Variants in SPATA6L observed in about 807,000 individuals in gnomAD.
SPATA6L encodes the protein spermatogenesis associated 6-like protein.
In SPATA6L, 68 loss-of-function variants were observed where a neutral mutation model predicts 49.2. That is an observed-to-expected ratio of 1.38 (90% CI 1.14 to 1.69). SPATA6L has a LOEUF of 1.69. SPATA6L is among the 40% of genes most tolerant of loss of function. The pLI, the probability that SPATA6L is intolerant of heterozygous loss-of-function variation, is 0.00. For synonymous variants in SPATA6L, 198 were observed against 165.7 expected, an observed-to-expected ratio of 1.19 and a Z score of -1.50; for missense variants, 668 against 464.3, an observed-to-expected ratio of 1.44 and a Z score of -4.03.
At chr9:4,618,484 T>A (rs1033670999) in intron 8 of SPATA6L, among the ~76,000 whole-genome samples, 1 of 152,208 alleles carries the variant, frequency 6.6e-6, no homozygotes, top group Non-Finnish European at 1.5e-5. Flanking sequence ...CATAAATCTA[T>A]TCTCATGTTG....
intron 6 of SPATA6L, among the ~76,000 whole-genome samples, chr9:4,624,502 T>C (rs1319367207): frequency 6.6e-6 from 1 of 152,018 alleles, no homozygotes; most frequent in African/African-American, 2.4e-5. Context: ...CTGATGTGGG[T>C]GGATCATCTG....
intron 3 of SPATA6L, among the ~76,000 whole-genome samples, chr9:4,635,754 T>A (rs897355302): frequency 1.3e-5 from 2 of 152,230 alleles, no homozygotes; most frequent in African/African-American, 4.8e-5. Context: ...AAGGTGGACA[T>A]AGCATTGTTC....
At chr9:4,644,658 TTCTCTCTCTC>T (rs375004235) in intron 3 of SPATA6L, among the ~76,000 whole-genome samples, 17 of 143,002 alleles carry the variant, frequency 1.2e-4, no homozygotes, top group Admixed American at 4.2e-4. Context: ...GTTTTCAGTA[TTCTCTCTCTC>T]TCTCTCTCTC....
intron 11 of SPATA6L, among the ~76,000 whole-genome samples, chr9:4,601,691 G>C (rs1256306313): frequency 6.6e-6 from 1 of 152,172 alleles, no homozygotes; most frequent in East Asian, 1.9e-4. Flanking sequence ...GGGAGGGACA[G>C]GAATTGGTGC....
intron 9 of SPATA6L, among the ~76,000 whole-genome samples, chr9:4,608,676 G>T (rs1246148206): frequency 1.3e-5 from 2 of 148,792 alleles, no homozygotes; most frequent in Non-Finnish European, 3.0e-5. Flanking sequence ...AGCACTAAAT[G>T]CCCACAAGAG....
intron 9 of SPATA6L, among the ~76,000 whole-genome samples, chr9:4,609,074 C>A (rs1003235383): frequency 6.6e-6 from 1 of 150,744 alleles, no homozygotes; most frequent in African/African-American, 2.5e-5. Context: ...TCGACACATA[C>A]GCTCTCCCAA....
At chr9:4,640,981 C>T (rs1359895119) in intron 3 of SPATA6L, among the ~76,000 whole-genome samples, 2 of 152,140 alleles carry the variant, frequency 1.3e-5, no homozygotes, top group Non-Finnish European at 2.9e-5. Context: ...CTTCTTGTCA[C>T]ATGAAAAACA....
In SPATA6L at chr9:4,607,778, A is replaced by G. The variant is rs538085912; in HGVS notation, c.996-2338T>C. Among the ~76,000 whole-genome samples, 12 of 152,326 alleles carry G rather than the reference A, an allele frequency of 7.9e-5. No homozygotes were observed. The South Asian group carries it at 2.5e-3, about 32-fold the overall frequency. ...CAGCTAACATCATCATGACAGGATC[A>G]AATTCACACATAACAATATTAATTT... On this transcript the variant is annotated intron_variant, in intron 9 of 11. Coordinates refer to ENST00000682582, the MANE Select transcript of SPATA6L (RefSeq NM_001353486.2).
rs1386490075 is a variant in SPATA6L at position 4,609,640 on chromosome 9, G to A, written c.996-4200C>T. Among the ~76,000 whole-genome samples the A allele has an allele frequency of 6.0e-4, 91 of 151,542 alleles. No homozygotes were observed. In the East Asian group the frequency reaches 0.014, roughly 23 times the overall value. Reference sequence around the variant, plus strand: ...TCAATAAATTAGGTATTGATGGGACGTATTTCAAAATAATAAGAGCTATCT... The same window carrying A: ...TCAATAAATTAGGTATTGATGGGACATATTTCAAAATAATAAGAGCTATCT... On this transcript the variant is annotated intron_variant, in intron 9 of 11. Transcript: ENST00000682582.
Position 4,666,359 on chromosome 9 carries a change from C to T in SPATA6L, c.-109G>A. 8.5e-7 allele frequency: 1 copy of T among 1,178,370 alleles called. No individual in the cohort carries two copies. Among genetic ancestry groups the T allele is most frequent in the Non-Finnish European group, 1.3e-6 (1 of 798,800 alleles). 73.0% of individuals were successfully genotyped at this position (1,178,370 alleles called of 1,614,324 possible). A position where few individuals can be genotyped will look rare whatever the true frequency, so the allele number is the denominator to read the frequency against. On this transcript the variant is annotated 5_prime_UTR_variant, in exon 1 of 12. Transcript: ENST00000682582. ...TACCTAGAGCAAATGTTCCCAGAAG[C>T]TTCCCCAGTCCCACGCCCTTGTTCC...
intron 11 of SPATA6L, among the ~76,000 whole-genome samples, chr9:4,603,470 C>A (rs1192920663): frequency 6.6e-6 from 1 of 152,082 alleles, no homozygotes; most frequent in African/African-American, 2.4e-5. Flanking sequence ...TGAGCAGCAA[C>A]CATTGTGGAG....
Position 4,618,095 on chromosome 9 carries a change from C to G in SPATA6L, c.823G>C (p.Asp275His), listed in dbSNP as rs770517502. 3.1e-6 allele frequency: 5 copies of G among 1,608,726 alleles called. No individual in the cohort carries two copies. Among genetic ancestry groups the G allele is most frequent in the Non-Finnish European group, 4.2e-6 (5 of 1,176,992 alleles). Residue 275 changes from aspartate (D) to histidine (H), a missense_variant, in exon 9 of 12, where the codon GAT becomes CAT. Coordinates refer to ENST00000682582, the MANE Select transcript of SPATA6L (RefSeq NM_001353486.2). ...AANVKVIKEP[D>H]ERIVLRSDSS... ...TCACTCCTTAAAACAATCCGTTCAT[C>G]TGGCTCTTTGATAACCTGAGTGACA...
At chr9:4,658,151 T>A (rs1458766694) in intron 2 of SPATA6L, among the ~76,000 whole-genome samples, 1 of 152,232 alleles carries the variant, frequency 6.6e-6, no homozygotes, top group East Asian at 1.9e-4. Context: ...TGAGATGATA[T>A]GTTTCTGTTG....
At chr9:4,625,629 G>T in intron 5 of SPATA6L, 63 bp from the exon 6 acceptor site, 1 of 1,147,484 alleles carries the variant, frequency 8.7e-7, no homozygotes, top group Non-Finnish European at 1.2e-6. Flanking sequence ...AATTCAATCA[G>T]AATATAACTG....
rs180744154 is a variant in SPATA6L, at chr9:4,625,518, T to C, written c.478A>G (p.Ile160Val). The C allele has an allele frequency of 6.0e-5, 96 of 1,613,340 alleles. No homozygotes were observed. In the African/African-American group the frequency reaches 8.7e-4, roughly 15 times the overall value. ...ATCTTTATAGTATTTAAGGGAAATATTGGTTCATGTGATGTAGATAAAGGC... is the reference window on the plus strand; with the variant it reads ...ATCTTTATAGTATTTAAGGGAAATACTGGTTCATGTGATGTAGATAAAGGC... ...RRPLSTSHEP[I>V]FPLNTIKMKL... The change falls in exon 6 of 12, where the codon ATA (isoleucine) becomes GTA (valine). Residue 160 changes from isoleucine (I) to valine (V), a missense_variant. Coordinates refer to ENST00000682582, the MANE Select transcript of SPATA6L (RefSeq NM_001353486.2).
At chr9:4,644,352 A>G (rs943220720) in intron 3 of SPATA6L, among the ~76,000 whole-genome samples, 13 of 151,560 alleles carry the variant, frequency 8.6e-5, no homozygotes, top group African/African-American at 3.1e-4. Context: ...CAAAAAATAT[A>G]TATAAAAAAT....
At chr9:4,621,827 T>G (rs1587134034) in intron 7 of SPATA6L, among the ~76,000 whole-genome samples, 1 of 152,108 alleles carries the variant, frequency 6.6e-6, no homozygotes, top group South Asian at 2.1e-4. Context: ...TCAGTTTTAA[T>G]TTCTAACATG....
At chr9:4,631,069 ACT>A (rs1174014164) in intron 4 of SPATA6L, among the ~76,000 whole-genome samples, 1 of 152,128 alleles carries the variant, frequency 6.6e-6, no homozygotes, top group Non-Finnish European at 1.5e-5. Flanking sequence ...AGGAATCCAC[ACT>A]CTGTAACACA....
At chr9:4,638,307 G>T (rs1444041589) in intron 3 of SPATA6L, among the ~76,000 whole-genome samples, 1 of 152,076 alleles carries the variant, frequency 6.6e-6, no homozygotes, top group African/African-American at 2.4e-5. Flanking sequence ...TGCCTCCTGG[G>T]TTCAAGTGAT....
Sources: gnomAD v4.1 joint callset for allele counts (sites outside exome capture counted in the v4.1 genomes callset) on GRCh38, gnomAD v4.1.1 for gene constraint, MANE v1.5 for transcripts, NCBI Gene and HGNC (gene_info 2026-07-23, HGNC 2026-07-21) for gene names.